TMEM94: variants seen among roughly 807,000 people sequenced by gnomAD.
TMEM94 encodes ER Mg2+ ATPase.
In TMEM94, 81 loss-of-function variants were observed where a neutral mutation model predicts 158.6. The ratio of observed to expected loss-of-function variants is 0.51; its 90% CI spans 0.43 to 0.61. The LOEUF (loss-of-function observed/expected upper bound fraction) is 0.61. TMEM94 is among the 20% of genes least tolerant of loss of function. TMEM94 has a pLI of 0.00. For missense variants in TMEM94, 1,435 were observed against 1,762.0 expected, an observed-to-expected ratio of 0.81 and a Z score of 3.32; for synonymous variants, 751 against 730.7, an observed-to-expected ratio of 1.03 and a Z score of -0.45.
Position 75,491,555 on chromosome 17 carries a change from G to A in TMEM94, c.1386+100G>A. Reference sequence around the variant, plus strand: ...GGAGGGTGAGGTTTCGGAGGGCGAAGGAGGGTTTGGGCACCATTAGGATCT... The same window carrying A: ...GGAGGGTGAGGTTTCGGAGGGCGAAAGAGGGTTTGGGCACCATTAGGATCT... On this transcript the variant is annotated intron_variant, in intron 13 of 31. Transcript: ENST00000314256. The surrounding 1 kb of genome is among the most constrained non-coding windows in gnomAD (Gnocchi z 5.1). 6.3e-7 allele frequency: 1 copy of A among 1,584,246 alleles called. No homozygotes were observed. Among genetic ancestry groups the A allele is most frequent in the South Asian group, 1.1e-5 (1 of 88,574 alleles).
At chr17:75,469,610 G>T (rs903891429) in intron 1 of TMEM94, among the ~76,000 whole-genome samples, 1 of 147,424 alleles carries the variant, frequency 6.8e-6, no homozygotes, top group Non-Finnish European at 1.5e-5. Context: ...CTCCCAAAGT[G>T]CTGGGATTGC....
intron 1 of TMEM94, among the ~76,000 whole-genome samples, chr17:75,462,680 T>TA (rs1258159768): frequency 2.7e-5 from 4 of 150,226 alleles, no homozygotes; most frequent in East Asian, 2.0e-4. Flanking sequence ...CCATCTCTAT[T>TA]AAAAAAAATT....
intron 27 of TMEM94, 68 bp downstream of exon 27, chr17:75,497,930 G>C: frequency 6.9e-7 from 1 of 1,448,638 alleles, no homozygotes; most frequent in Non-Finnish European, 9.7e-7. Context: ...GGGGAGGAGA[G>C]AGGGGCTAAT....
chr17:75,492,895 G>T lies in TMEM94; in HGVS notation c.1913-34G>T. ...ATGGACCTGGCAGGGTATTGCCAGG[G>T]CATGGCCCTAAGTTCCTGTTCCCCG... On this transcript the variant is annotated intron_variant, in intron 15 of 31. Coordinates refer to ENST00000314256, the MANE Select transcript of TMEM94 (RefSeq NM_014738.6). The surrounding 1 kb of genome is among the most constrained non-coding windows in gnomAD (Gnocchi z 4.4). The T allele has an allele frequency of 6.3e-7, 1 of 1,596,918 alleles. No homozygotes were observed. The highest frequency in any genetic ancestry group is 8.6e-7 in the Non-Finnish European group (1 of 1,169,428).
At position 75,495,393 on chromosome 17, in the gene TMEM94, C is replaced by T. The variant is rs144804472; in HGVS notation, c.2838C>T (p.Ser946=). The T allele has an allele frequency of 6.2e-7, 1 of 1,613,180 alleles. No individual in the cohort carries two copies. The highest frequency in any genetic ancestry group is 1.3e-5 in the African/African-American group (1 of 74,910). Residue 946 remains serine (S), a synonymous_variant, in exon 21 of 32, where the codon TCC becomes TCT. Transcript: ENST00000314256. This position sits in a 1 kb window ranked among gnomAD's most constrained non-coding sequence, Gnocchi z 5.6. ...DSDIPSFLED[S]NRAKLPRGIH... The stretch of plus-strand genomic sequence containing the variant: ...ACATCCCCAGCTTCCTGGAGGACTC[C>T]AACCGGGTACGATGGCAGGATCTGT...
chr17:75,481,396 G>A (rs1244443417), intron 2 of TMEM94, among the ~76,000 whole-genome samples: 2 of 152,264 alleles, frequency 1.3e-5, no homozygotes, highest in East Asian at 3.8e-4. Flanking sequence ...AGCGGGATTA[G>A]GTGAGATTTA....
rs148588758 is a variant in TMEM94 at position 75,498,950 on chromosome 17, A to G, written c.3866A>G (p.Gln1289Arg). The change falls in exon 31 of 32, where the codon CAG (glutamine) becomes CGG (arginine). Residue 1289 changes from glutamine to arginine, a missense_variant. By Grantham distance (43) the Gln-to-Arg change is conservative (BLOSUM62 1). Around this residue, in one of 3 missense-constraint regions of TMEM94, gnomAD observed 335 missense variants for 409.1 expected, o/e 0.82. Coordinates refer to ENST00000314256, the MANE Select transcript of TMEM94 (RefSeq NM_014738.6). This position sits in a 1 kb window ranked among gnomAD's most constrained non-coding sequence, Gnocchi z 6.7. ...GQVVQTAVDLQLWTHRDSHVH... is the reference protein window; with the variant it reads ...GQVVQTAVDLRLWTHRDSHVH... ...GTGGTCCAGACGGCTGTGGACCTGC[A>G]GCTGTGGACACACAGGGACAGCCAC... 9.4e-5 allele frequency: 149 copies of G among 1,577,860 alleles called. No individual in the cohort carries two copies. Among genetic ancestry groups the G allele is most frequent in the Non-Finnish European group, 1.2e-4 (139 of 1,160,720 alleles).
chr17:75,471,029 G>GT, intron 1 of TMEM94, among the ~76,000 whole-genome samples: 1 of 151,386 alleles, frequency 6.6e-6, no homozygotes, highest in East Asian at 2.0e-4. Flanking sequence ...ACAAGGTCAG[G>GT]AGTTCAAGAC....
chr17:75,493,333 A>C, intron 16 of TMEM94, 158 bp from the exon 17 acceptor site: 2 of 853,028 alleles, frequency 2.3e-6, no homozygotes, highest in Non-Finnish European at 1.9e-6. Flanking sequence ...TTCCAAGCCC[A>C]GTGGCATTGC....
At chr17:75,486,526 G>A in intron 5 of TMEM94, 100 bp downstream of exon 5, 4 of 1,439,382 alleles carry the variant, frequency 2.8e-6, no homozygotes, top group Non-Finnish European at 3.8e-6. Flanking sequence ...GGTTGCCTGT[G>A]GCCAGCATTG....
chr17:75,478,475 C>G (rs1478906794), intron 2 of TMEM94, among the ~76,000 whole-genome samples: 1 of 152,096 alleles, frequency 6.6e-6, no homozygotes, highest in Non-Finnish European at 1.5e-5. Context: ...TGTCGGCTCT[C>G]GAAGGCGCCT....
chr17:75,470,976 C>A (rs1189697401), intron 1 of TMEM94, among the ~76,000 whole-genome samples: 1 of 150,880 alleles, frequency 6.6e-6, no homozygotes, highest in Non-Finnish European at 1.5e-5. Context: ...CGGTGGCTCA[C>A]GCCTGTAATC....
chr17:75,493,730 T>G lies in TMEM94; in HGVS notation c.2221T>G (p.Cys741Gly), dbSNP rs772003628. ...KKVLDFYQRA[C>G]LSGYCSAFAY... Reference sequence around the variant, plus strand: ...AGTGCTGGACTTCTACCAGCGAGCCTGCCTGTCTGGGTATTGCTCTGCCTT... The same window carrying G: ...AGTGCTGGACTTCTACCAGCGAGCCGGCCTGTCTGGGTATTGCTCTGCCTT... Residue 741 changes from cysteine to glycine, a missense_variant, in exon 18 of 32, where the codon TGC becomes GGC. By Grantham distance (159) the Cys-to-Gly change is radical (BLOSUM62 -3). This residue lies in a region of TMEM94 where 1,051 missense variants were observed against 1,254.4 expected (regional missense o/e 0.84). Transcript: ENST00000314256. The G allele has an allele frequency of 6.2e-7, 1 of 1,613,952 alleles. No individual in the cohort carries two copies. Among genetic ancestry groups the G allele is most frequent in the Non-Finnish European group, 8.5e-7 (1 of 1,180,038 alleles).
In TMEM94 at chr17:75,461,996, G is replaced by GTTTT. The variant is rs1212545027; in HGVS notation, c.-107+5246_-107+5249dup. Among the ~76,000 whole-genome samples, 36 of 66,046 alleles carry GTTTT rather than the reference G, an allele frequency of 5.5e-4. 1 individual carries two copies. Among genetic ancestry groups the GTTTT allele is most frequent in the South Asian group, 1.3e-3 (2 of 1,578 alleles). 43.3% of individuals were successfully genotyped at this position (66,046 alleles called of 152,430 possible). A position where few individuals can be genotyped will look rare whatever the true frequency, so the allele number is the denominator to read the frequency against. ...CTATATAAATTTTACAGTTTTTTTT[G>GTTTT]TTTTGTTTTGTTTTGTTTTTTTTTT... On this transcript the variant is annotated intron_variant, in intron 1 of 31. Coordinates refer to ENST00000314256, the MANE Select transcript of TMEM94 (RefSeq NM_014738.6).
rs373502070 is a variant in TMEM94, at chr17:75,492,979, C to T, written c.1963C>T (p.Leu655=). 1.2e-6 allele frequency: 2 copies of T among 1,613,682 alleles called. No homozygotes were observed. The highest frequency in any genetic ancestry group is 2.7e-5 in the African/African-American group (2 of 74,954). Residue 655 remains leucine, a synonymous_variant, in exon 16 of 32, where the codon CTG becomes TTG. Transcript: ENST00000314256. This position sits in a 1 kb window ranked among gnomAD's most constrained non-coding sequence, Gnocchi z 4.4. ...TTTCAAGCAGGAGAACCATCTGGCG[C>T]TGTACCGCCTCCCCAGTGCCGAGAC... ...ELFKQENHLA[L]YRLPSAETMK... is the part of the protein sequence containing the mutation.
Position 75,489,447 on chromosome 17 carries a change from A to T in TMEM94, c.867+79A>T. The T allele has an allele frequency of 1.3e-6, 2 of 1,498,194 alleles. No homozygotes were observed. Among genetic ancestry groups the T allele is most frequent in the South Asian group, 1.1e-5 (1 of 88,608 alleles). 92.8% of individuals were successfully genotyped at this position (1,498,194 alleles called of 1,614,324 possible). ...ACGGGGGGGTCTCAGGGCCACTCAC[A>T]TGAGCGGGAGTGAATGCAGAGGGTC... On this transcript the variant is annotated intron_variant, in intron 8 of 31. Coordinates refer to ENST00000314256, the MANE Select transcript of TMEM94 (RefSeq NM_014738.6). This position sits in a 1 kb window ranked among gnomAD's most constrained non-coding sequence, Gnocchi z 5.0.
intron 1 of TMEM94, among the ~76,000 whole-genome samples, chr17:75,465,679 A>ATATATATATATATATTTTTTTT (rs1247855961): frequency 1.6e-5 from 2 of 124,816 alleles, no homozygotes; most frequent in Admixed American, 8.2e-5. Context: ...ATATATATAT[A>ATATATATATATATATTTTTTTT]TTTTTTTTTA....
chr17:75,496,557 CG>C (rs2052706306), intron 24 of TMEM94, 86 bp downstream of exon 24: 1 of 1,490,074 alleles, frequency 6.7e-7, no homozygotes, highest in Non-Finnish European at 9.2e-7. Flanking sequence ...TGTTTGAACC[CG>C]GGGACCTCAT....
intron 1 of TMEM94, among the ~76,000 whole-genome samples, chr17:75,469,176 T>C (rs921101644): frequency 6.6e-6 from 1 of 152,090 alleles, no homozygotes; most frequent in Non-Finnish European, 1.5e-5. Context: ...GGCTGCGGGC[T>C]TGCACATGCT....
Sources: gnomAD v4.1 joint callset for allele counts (sites outside exome capture counted in the v4.1 genomes callset) on GRCh38, gnomAD v4.1.1 for gene constraint, gnomAD v4.1.1 regional missense constraint, Gnocchi (gnomAD v3.1) non-coding constraint, MANE v1.5 for transcripts, NCBI Gene and HGNC (gene_info 2026-07-23, HGNC 2026-07-21) for gene names.